The following MYEF2 variants were observed in gnomAD, a reference collection of about 807,000 sequenced individuals.
MYEF2 encodes myelin gene expression factor 2.
Under a neutral mutation model 75.2 loss-of-function variants are expected in MYEF2, and 37 were observed. That is an observed-to-expected ratio of 0.49 (90% confidence interval 0.38 to 0.65). MYEF2 has a LOEUF of 0.65. Ranked by LOEUF, MYEF2 falls within the 30% of genes least tolerant of loss-of-function variation. The pLI is 0.00. For missense variants in MYEF2, 634 were observed against 771.4 expected, an observed-to-expected ratio of 0.82 and a Z score of 2.11; for synonymous variants, 195 against 241.6, an observed-to-expected ratio of 0.81 and a Z score of 1.79.
intron 16 of MYEF2, among the ~76,000 whole-genome samples, chr15:48,148,181 T>G (rs887324416): frequency 1.3e-5 from 2 of 151,926 alleles, no homozygotes; most frequent in Admixed American, 6.6e-5. Context: ...TTATGTAATT[T>G]CCTATTGTGA....
At chr15:48,171,220 T>G (rs1490861098) in intron 1 of MYEF2, among the ~76,000 whole-genome samples, 2 of 152,210 alleles carry the variant, frequency 1.3e-5, no homozygotes, top group African/African-American at 2.4e-5. Context: ...TTAGATGAAT[T>G]CAGTGAATGT....
intron 16 of MYEF2, among the ~76,000 whole-genome samples, chr15:48,145,276 C>G (rs1204312137): frequency 6.6e-6 from 1 of 151,830 alleles, no homozygotes; most frequent in Non-Finnish European, 1.5e-5. Flanking sequence ...TTCTAAGTTT[C>G]TTCCTGATCC....
Position 48,142,848 on chromosome 15 carries a change from T to A in MYEF2, c.*60A>T, listed in dbSNP as rs1192970097. On this transcript the variant is annotated 3_prime_UTR_variant, in exon 17 of 17. Coordinates refer to ENST00000324324, the MANE Select transcript of MYEF2 (RefSeq NM_016132.5). ...AGCATACAATATTACTTTAAAAAAATGACTTTTACTAGGAGATTCAGCAAA... is the reference window on the plus strand; with the variant it reads ...AGCATACAATATTACTTTAAAAAAAAGACTTTTACTAGGAGATTCAGCAAA... 6.8e-7 allele frequency: 1 copy of A among 1,468,684 alleles called. No homozygotes were observed. Among genetic ancestry groups the A allele is most frequent in the African/African-American group, 1.5e-5 (1 of 67,710 alleles). The allele number at this position is 1,468,684 out of a possible 1,614,324, so 91.0% of individuals were successfully genotyped here. A position where few individuals can be genotyped will look rare whatever the true frequency, so the allele number is the denominator to read the frequency against.
chr15:48,134,874 C>T lies in MYEF2; in HGVS notation c.*8034G>A, dbSNP rs1319134286. Reference sequence around the variant, plus strand: ...CAATGTAATGGAAATAATAACTTACCATATTACAGGTCTCAACACTATCAT... The same window carrying T: ...CAATGTAATGGAAATAATAACTTACTATATTACAGGTCTCAACACTATCAT... On this transcript the variant is annotated 3_prime_UTR_variant, in exon 17 of 17. Coordinates refer to ENST00000324324, the MANE Select transcript of MYEF2 (RefSeq NM_016132.5). 4 of 1,585,214 alleles carry T rather than the reference C, an allele frequency of 2.5e-6. No homozygotes were observed. The highest frequency in any genetic ancestry group is 1.7e-4 in the Middle Eastern group (1 of 6,010).
chr15:48,167,978 A>T (rs754770108), intron 2 of MYEF2, among the ~76,000 whole-genome samples: 6 of 152,156 alleles, frequency 3.9e-5, no homozygotes, highest in Non-Finnish European at 8.8e-5. Context: ...TCAGCCTCAA[A>T]GCCAAGTACA....
intron 5 of MYEF2, among the ~76,000 whole-genome samples, chr15:48,164,028 C>A (rs912589910): frequency 5.3e-5 from 8 of 152,138 alleles, no homozygotes; most frequent in Non-Finnish European, 1.0e-4. Context: ...TGTAACCCAT[C>A]AATCAAGAAA....
Position 48,167,364 on chromosome 15 carries a change from C to T in MYEF2, c.408G>A (p.Ala136=), listed in dbSNP as rs770085377. ...CAGCACTTACCCTTGATTTTCCTTC[C>T]GCATCCTTAAAGAGCTCCACGTATG... The part of the protein sequence containing the change: ...EVTYVELFKD[A]EGKSRGCGVV... The change falls in exon 3 of 17, where the codon GCG becomes GCA. Residue 136 remains alanine (A), a synonymous_variant. Transcript: ENST00000324324. 16 of 1,613,102 alleles carry T rather than the reference C, an allele frequency of 9.9e-6. No individual in the cohort carries two copies. The highest frequency in any genetic ancestry group is 4.5e-5 in the East Asian group (2 of 44,840).
intron 14 of MYEF2, among the ~76,000 whole-genome samples, chr15:48,150,472 A>G (rs1464280458): frequency 6.6e-6 from 1 of 152,040 alleles, no homozygotes; most frequent in Non-Finnish European, 1.5e-5. Flanking sequence ...GACATGTCCC[A>G]GTAAGCAAAA....
intron 16 of MYEF2, 73 bp downstream of exon 16, chr15:48,148,959 A>G: frequency 6.8e-7 from 1 of 1,480,404 alleles, no homozygotes. Context: ...GTCTAAACAC[A>G]GTGTATAAAA....
Position 48,137,455 on chromosome 15 carries a change from T to G in MYEF2, c.*5453A>C, listed in dbSNP as rs1163469866. 1 of 152,296 alleles carries G rather than the reference T, an allele frequency of 6.6e-6. No individual in the cohort carries two copies. The highest frequency in any genetic ancestry group is 1.5e-5 in the Non-Finnish European group (1 of 68,142). 9.4% of individuals were successfully genotyped at this position (152,296 alleles called of 1,614,324 possible). ...AGGATAAGAAGAATCTTAAATGCTA[T>G]TTTAAGAATCTTGGAAGGTTTCTGA... On this transcript the variant is annotated 3_prime_UTR_variant, in exon 17 of 17. Transcript: ENST00000324324.
intron 16 of MYEF2, among the ~76,000 whole-genome samples, chr15:48,147,718 T>A (rs1272270814): frequency 1.3e-5 from 2 of 151,978 alleles, no homozygotes; most frequent in African/African-American, 4.8e-5. Flanking sequence ...TAGTTCAAAA[T>A]AAAAGGATGA....
At position 48,147,260 on chromosome 15, in the gene MYEF2, T is replaced by C. The variant is rs1236781288; in HGVS notation, c.1639+1772A>G. 6.6e-5 allele frequency among the ~76,000 whole-genome samples: 10 copies of C among 151,924 alleles called. No individual in the cohort carries two copies. The East Asian group carries it at 1.3e-3, about 20-fold the overall frequency. On this transcript the variant is annotated intron_variant, in intron 16 of 16. Coordinates refer to ENST00000324324, the MANE Select transcript of MYEF2 (RefSeq NM_016132.5). ...CTCCAACCAGAAGCCCACCAAACAC[T>C]TGAAGTTTGCTGCAAGCCTTGCTCA...
chr15:48,176,697 A>G (rs2040536812), intron 1 of MYEF2, among the ~76,000 whole-genome samples: 1 of 152,242 alleles, frequency 6.6e-6, no homozygotes, highest in South Asian at 2.1e-4. Context: ...TGAATAGCAC[A>G]TATTTTTAAG....
At chr15:48,176,219 TAA>T (rs1023560411) in intron 1 of MYEF2, among the ~76,000 whole-genome samples, 16 of 63,136 alleles carry the variant, frequency 2.5e-4, no homozygotes, top group African/African-American at 3.8e-4. Flanking sequence ...GTTCACGAAG[TAA>T]AAAAAAAAAA....
chr15:48,175,898 AT>A (rs2040500649), intron 1 of MYEF2, among the ~76,000 whole-genome samples: 1 of 152,112 alleles, frequency 6.6e-6, no homozygotes. Flanking sequence ...TGCAAACTAA[AT>A]TCCCTGTATA....
rs575614573 is a variant in MYEF2, at chr15:48,138,802, T to C, written c.*4106A>G. On this transcript the variant is annotated 3_prime_UTR_variant, in exon 17 of 17. Coordinates refer to ENST00000324324, the MANE Select transcript of MYEF2 (RefSeq NM_016132.5). ...TACATTGTCTGCCCTAAAGTTTCAA[T>C]TAGTTTCTTTTCACCAGCAATATCA... 1.2e-5 allele frequency: 7 copies of C among 586,454 alleles called. No homozygotes were observed. The highest frequency in any genetic ancestry group is 1.1e-4 in the African/African-American group (6 of 53,704). The allele number at this position is 586,454 out of a possible 1,614,324, so 36.3% of individuals were successfully genotyped here. A position where few individuals can be genotyped will look rare whatever the true frequency, so the allele number is the denominator to read the frequency against.
At chr15:48,143,826 A>G (rs1389048589) in intron 16 of MYEF2, among the ~76,000 whole-genome samples, 1 of 152,114 alleles carries the variant, frequency 6.6e-6, no homozygotes, top group East Asian at 1.9e-4. Context: ...TCGTATTTGA[A>G]GTAAATCAAT....
chr15:48,178,293 A>G lies in MYEF2; in HGVS notation c.-56T>C. ...TGAGCTGAGGGGCTCCGAGCGCGAC[A>G]ATGGCGGCTGCCGGGGAAGCGGTAA... is the stretch of plus-strand genomic sequence containing the variant. On this transcript the variant is annotated 5_prime_UTR_variant, in exon 1 of 17. Transcript: ENST00000324324. 1 of 1,351,866 alleles carries G rather than the reference A, an allele frequency of 7.4e-7. No individual in the cohort carries two copies. Among genetic ancestry groups the G allele is most frequent in the Non-Finnish European group, 9.5e-7 (1 of 1,056,002 alleles). The allele number at this position is 1,351,866 out of a possible 1,614,324, so 83.7% of individuals were successfully genotyped here.
rs770747835 is a variant in MYEF2 at position 48,152,298 on chromosome 15, C to G, written c.1088-14G>C. The stretch of plus-strand genomic sequence containing the variant: ...CCATTCCCATACCTCAAATAAAATA[C>G]ACAGTATGTACTTTAAGTATATTTT... On this transcript the variant is annotated splice_polypyrimidine_tract_variant and intron_variant, in intron 10 of 16. Coordinates refer to ENST00000324324, the MANE Select transcript of MYEF2 (RefSeq NM_016132.5). The G allele has an allele frequency of 6.3e-7, 1 of 1,596,718 alleles. No homozygotes were observed. The highest frequency in any genetic ancestry group is 2.2e-5 in the East Asian group (1 of 44,798).
Sources: allele counts gnomAD v4.1 joint callset (sites outside exome capture counted in the v4.1 genomes callset), GRCh38; gene constraint gnomAD v4.1.1; transcripts MANE v1.5; gene names NCBI Gene and HGNC (gene_info 2026-07-23, HGNC 2026-07-21).